The following NRXN1 variants were observed in gnomAD, a reference collection of about 807,000 sequenced individuals.
The protein encoded by NRXN1 is neurexin-1.
In NRXN1, 39 loss-of-function variants were observed where a neutral mutation model predicts 150.9. That is an observed-to-expected ratio of 0.26 (90% CI 0.20 to 0.34). NRXN1 has a LOEUF of 0.34. Ranked by LOEUF, NRXN1 falls within the 10% of genes least tolerant of loss-of-function variation. The pLI is 1.00. For synonymous variants in NRXN1, 924 were observed against 757.0 expected, an observed-to-expected ratio of 1.22 and a Z score of -3.62; for missense variants, 1,815 against 1,949.9, an observed-to-expected ratio of 0.93 and a Z score of 1.30.
intron 5 of NRXN1, among the ~76,000 whole-genome samples, chr2:50,695,429 G>A (rs1692685442): frequency 1.3e-5 from 2 of 152,116 alleles, no homozygotes; most frequent in South Asian, 4.2e-4. Flanking sequence ...TATGCTCCAG[G>A]TAGCCCTGCC....
intron 5 of NRXN1, among the ~76,000 whole-genome samples, chr2:50,841,392 T>G (rs1050363361): frequency 6.6e-6 from 1 of 152,186 alleles, no homozygotes; most frequent in Non-Finnish European, 1.5e-5. Context: ...TTCATTACTG[T>G]GTTTGCCTCC....
chr2:50,820,528 A>G (rs1326428357), intron 5 of NRXN1, among the ~76,000 whole-genome samples: 1 of 152,152 alleles, frequency 6.6e-6, no homozygotes, highest in Non-Finnish European at 1.5e-5. Flanking sequence ...CTTTTTGAAC[A>G]GATAATATAT....
intron 18 of NRXN1, among the ~76,000 whole-genome samples, chr2:50,154,661 G>A (rs2058905520): frequency 1.3e-5 from 2 of 151,526 alleles, no homozygotes; most frequent in African/African-American, 4.8e-5. Flanking sequence ...TCAGACAAAG[G>A]AAGAACAATA....
intron 5 of NRXN1, among the ~76,000 whole-genome samples, chr2:50,911,883 G>A (rs1684574973): frequency 6.6e-6 from 1 of 151,930 alleles, no homozygotes; most frequent in East Asian, 1.9e-4. Flanking sequence ...AAAGAGCTCA[G>A]TGACATCTTT....
rs7572070 is a variant in NRXN1 at position 50,040,164 on chromosome 2, T to A, written c.4128+13107A>T. 6.2e-3 allele frequency among the ~76,000 whole-genome samples: 943 copies of A among 152,026 alleles called. 9 individuals carry two copies. Among genetic ancestry groups the A allele is most frequent in the African/African-American group, 0.022 (909 of 41,464 alleles). Reference sequence around the variant, plus strand: ...CATCCCTGGAAATAAAATGAGATCATGAGATGAGGAAAAGAAGAGGGAAGC... The same window carrying A: ...CATCCCTGGAAATAAAATGAGATCAAGAGATGAGGAAAAGAAGAGGGAAGC... On this transcript the variant is annotated intron_variant, in intron 21 of 22. Transcript: ENST00000401669.
chr2:50,390,037 T>C (rs1355416323), intron 17 of NRXN1, among the ~76,000 whole-genome samples: 1 of 152,194 alleles, frequency 6.6e-6, no homozygotes, highest in African/African-American at 2.4e-5. Context: ...CTTGATTTTA[T>C]ATACTTTCTT....
intron 4 of NRXN1, 21 bp downstream of exon 4, chr2:50,922,637 G>C (rs1014829812): frequency 1.9e-6 from 3 of 1,608,722 alleles, no homozygotes; most frequent in Non-Finnish European, 2.5e-6. Flanking sequence ...AAGCAGAGTG[G>C]AAAAGGAACA....
intron 5 of NRXN1, among the ~76,000 whole-genome samples, chr2:50,626,614 T>A (rs1271037154): frequency 6.6e-6 from 1 of 151,904 alleles, no homozygotes; most frequent in Non-Finnish European, 1.5e-5. Context: ...TTCACAAAAA[T>A]CAATTCTACA....
intron 2 of NRXN1, among the ~76,000 whole-genome samples, chr2:50,932,503 C>A (rs944636244): frequency 6.6e-6 from 1 of 151,942 alleles, no homozygotes; most frequent in African/African-American, 2.4e-5. Context: ...ATGTTAATAT[C>A]ATATGTTCCC....
intron 21 of NRXN1, among the ~76,000 whole-genome samples, chr2:50,038,615 A>G (rs1690413314): frequency 6.6e-6 from 1 of 152,180 alleles, no homozygotes; most frequent in Admixed American, 6.5e-5. Context: ...TTCCTGACCC[A>G]TAAAAACTGA....
At chr2:51,021,778 C>G (rs564911516) in intron 2 of NRXN1, among the ~76,000 whole-genome samples, 11 of 152,006 alleles carry the variant, frequency 7.2e-5, no homozygotes, top group African/African-American at 2.6e-4. Flanking sequence ...AGACAATGTA[C>G]TATAAACTTC....
intron 21 of NRXN1, among the ~76,000 whole-genome samples, chr2:50,021,262 G>T (rs979959506): frequency 1.3e-5 from 2 of 152,176 alleles, no homozygotes; most frequent in African/African-American, 4.8e-5. Context: ...TAAGGATCAA[G>T]TTGCTTAGAG....
intron 9 of NRXN1, among the ~76,000 whole-genome samples, chr2:50,550,106 T>C (rs1667219191): frequency 6.6e-6 from 1 of 152,216 alleles, no homozygotes; most frequent in African/African-American, 2.4e-5. Flanking sequence ...TGTATTACAT[T>C]CATATAGTTA....
intron 5 of NRXN1, among the ~76,000 whole-genome samples, chr2:50,688,607 T>A (rs572157020): frequency 9.2e-5 from 14 of 152,192 alleles, no homozygotes; most frequent in Admixed American, 4.6e-4. Context: ...GGATTTCTCA[T>A]GTTCTAACAA....
chr2:50,374,184 G>T (rs2080317034), intron 17 of NRXN1, among the ~76,000 whole-genome samples: 1 of 151,806 alleles, frequency 6.6e-6, no homozygotes, highest in Admixed American at 6.6e-5. Context: ...TGTAGTCCCA[G>T]CTACTCCGGA....
intron 12 of NRXN1, among the ~76,000 whole-genome samples, chr2:50,517,061 C>T (rs1307024961): frequency 4.6e-5 from 7 of 152,132 alleles, no homozygotes; most frequent in African/African-American, 1.7e-4. Context: ...AGCTGTGTGA[C>T]CTTGAGCAAC....
At chr2:50,739,223 G>A in intron 5 of NRXN1, 1 of 494,852 alleles carries the variant, frequency 2.0e-6, no homozygotes, top group Non-Finnish European at 4.1e-6. Context: ...ATCGACCAAG[G>A]GCACTGGGTT....
intron 5 of NRXN1, among the ~76,000 whole-genome samples, chr2:50,857,817 T>TC (rs1483590819): frequency 7.7e-6 from 1 of 129,668 alleles, no homozygotes. Context: ...TCAAAATAGA[T>TC]TAAAAAAAAC....
At chr2:50,598,748 A>ATG (rs1675736221) in intron 8 of NRXN1, among the ~76,000 whole-genome samples, 2 of 147,724 alleles carry the variant, frequency 1.4e-5, no homozygotes, top group African/African-American at 5.0e-5. Context: ...ATATATATAT[A>ATG]TTTTATTTTT....
Sources: gnomAD v4.1 joint callset for allele counts (sites outside exome capture counted in the v4.1 genomes callset) on GRCh38, gnomAD v4.1.1 for gene constraint, MANE v1.5 for transcripts, NCBI Gene and HGNC (gene_info 2026-07-23, HGNC 2026-07-21) for gene names.